SCAPER: variants seen among roughly 807,000 people sequenced by gnomAD.
The protein encoded by SCAPER is S phase cyclin A-associated protein in the endoplasmic reticulum.
In SCAPER, 98 loss-of-function variants were observed where a neutral mutation model predicts 182.2. The ratio of observed to expected loss-of-function variants is 0.54; its 90% CI spans 0.46 to 0.64. The LOEUF is 0.64. Ranked by LOEUF, SCAPER falls within the 30% of genes least tolerant of loss-of-function variation. The pLI, the probability that SCAPER is intolerant of heterozygous loss-of-function variation, is 0.00. For synonymous variants in SCAPER, 605 were observed against 564.6 expected (o/e 1.07, Z -1.01); for missense variants, 1,432 against 1,690.0 (o/e 0.85, Z 2.68).
chr15:76,748,191 T>C (rs565990755), intron 15 of SCAPER, among the ~76,000 whole-genome samples: 1 of 152,034 alleles, frequency 6.6e-6, no homozygotes, highest in Non-Finnish European at 1.5e-5. Flanking sequence ...GGTTTCTCCA[T>C]GTTGGTGAGG....
At chr15:76,446,068 A>C (rs947026022) in intron 25 of SCAPER, among the ~76,000 whole-genome samples, 1 of 152,198 alleles carries the variant, frequency 6.6e-6, no homozygotes, top group Non-Finnish European at 1.5e-5. Flanking sequence ...GTGAGGTTCC[A>C]TGATAACAGC....
intron 8 of SCAPER, among the ~76,000 whole-genome samples, chr15:76,777,168 C>T (rs1281382577): frequency 6.6e-6 from 1 of 152,132 alleles, no homozygotes; most frequent in Non-Finnish European, 1.5e-5. Flanking sequence ...ATTCAAATTA[C>T]AGCAGATTCC....
chr15:76,738,345 C>T (rs1364979362), intron 15 of SCAPER, among the ~76,000 whole-genome samples: 1 of 152,092 alleles, frequency 6.6e-6, no homozygotes, highest in East Asian at 1.9e-4. Flanking sequence ...TGCACAGGCT[C>T]TAGCCCAGTT....
chr15:76,591,882 AAACCCCAT>A (rs1162363005), intron 22 of SCAPER, among the ~76,000 whole-genome samples: 2 of 152,172 alleles, frequency 1.3e-5, no homozygotes, highest in Non-Finnish European at 1.5e-5. Flanking sequence ...CAACATGGCA[AAACCCCAT>A]ATCTACAAAA....
intron 24 of SCAPER, among the ~76,000 whole-genome samples, chr15:76,500,253 C>T (rs1219070258): frequency 2.0e-5 from 3 of 152,194 alleles, no homozygotes; most frequent in South Asian, 2.1e-4. Flanking sequence ...ACTGTGTCCA[C>T]AGGGACGATG....
chr15:76,440,906 G>GTTTTT (rs1567143984), intron 25 of SCAPER, among the ~76,000 whole-genome samples: 6 of 112,120 alleles, frequency 5.4e-5, no homozygotes, highest in Non-Finnish European at 1.1e-4. Flanking sequence ...TTCCCCTTCT[G>GTTTTT]GTTTTTTTTT....
intron 5 of SCAPER, among the ~76,000 whole-genome samples, chr15:76,814,386 T>C (rs1013008464): frequency 6.6e-6 from 1 of 152,156 alleles, no homozygotes; most frequent in African/African-American, 2.4e-5. Context: ...TAATCTAAAC[T>C]GTAATGACAG....
chr15:76,462,884 T>C (rs1195908917), intron 25 of SCAPER, among the ~76,000 whole-genome samples: 1 of 152,140 alleles, frequency 6.6e-6, no homozygotes, highest in Non-Finnish European at 1.5e-5. Flanking sequence ...GAAAGTTAAC[T>C]TAGGATTTAG....
chr15:76,585,274 T>C (rs529246346), intron 22 of SCAPER, among the ~76,000 whole-genome samples: 10 of 152,260 alleles, frequency 6.6e-5, no homozygotes, highest in Non-Finnish European at 1.0e-4. Flanking sequence ...CGACTATTAT[T>C]ACTGTTCACT....
intron 17 of SCAPER, among the ~76,000 whole-genome samples, chr15:76,727,946 G>C (rs1189743852): frequency 6.6e-6 from 1 of 151,980 alleles, no homozygotes; most frequent in Non-Finnish European, 1.5e-5. Flanking sequence ...ATGTGAAAAA[G>C]TTGTTCAGCC....
chr15:76,541,621 GCTT>G (rs1354401135), intron 23 of SCAPER, among the ~76,000 whole-genome samples: 2 of 152,104 alleles, frequency 1.3e-5, no homozygotes, highest in African/African-American at 2.4e-5. Flanking sequence ...GACTCTATAT[GCTT>G]CTTGTCATAA....
intron 17 of SCAPER, among the ~76,000 whole-genome samples, chr15:76,721,295 T>C (rs1428503392): frequency 6.6e-6 from 1 of 152,194 alleles, no homozygotes; most frequent in Non-Finnish European, 1.5e-5. Flanking sequence ...AACTCTGTTT[T>C]GGTACCAGTA....
intron 23 of SCAPER, among the ~76,000 whole-genome samples, chr15:76,566,359 A>G (rs192383814): frequency 1.3e-5 from 2 of 152,286 alleles, no homozygotes; most frequent in Admixed American, 1.3e-4. Context: ...CAATGCTGCC[A>G]GCTATGTGGT....
chr15:76,447,738 C>G (rs1398027927), intron 25 of SCAPER, among the ~76,000 whole-genome samples: 2 of 152,166 alleles, frequency 1.3e-5, no homozygotes, highest in Non-Finnish European at 2.9e-5. Context: ...ACAACAATTG[C>G]TTTCATTCAT....
At chr15:76,535,500 C>G (rs191497381) in intron 23 of SCAPER, among the ~76,000 whole-genome samples, 55 of 113,260 alleles carry the variant, frequency 4.9e-4, no homozygotes, top group Non-Finnish European at 7.1e-4. Flanking sequence ...CCAGCCTGGG[C>G]GACAGAGCAA....
At position 76,902,487 on chromosome 15, in the gene SCAPER, A is replaced by AT. The variant is rs202089703; in HGVS notation, c.-60+2811dup. Among the ~76,000 whole-genome samples the AT allele has an allele frequency of 7.9e-5, 12 of 152,038 alleles. No individual in the cohort carries two copies. In the East Asian group the frequency reaches 9.6e-4, roughly 12 times the overall value. Reference sequence around the variant, plus strand: ...ATGTACCCTCTACTATATAAGTTGAATTTTTTTTTAAAAAAAGGTTACCAT... The same window carrying AT: ...ATGTACCCTCTACTATATAAGTTGAATTTTTTTTTTAAAAAAAGGTTACCAT... On this transcript the variant is annotated intron_variant, in intron 1 of 31. Coordinates refer to ENST00000563290, the MANE Select transcript of SCAPER (RefSeq NM_020843.4).
chr15:76,531,957 G>A (rs749092461), intron 23 of SCAPER, among the ~76,000 whole-genome samples: 6 of 152,210 alleles, frequency 3.9e-5, no homozygotes, highest in Non-Finnish European at 8.8e-5. Context: ...CTCTGATAGA[G>A]ATGATTAGAA....
intron 23 of SCAPER, among the ~76,000 whole-genome samples, chr15:76,518,072 T>C (rs1234589917): frequency 3.3e-5 from 5 of 151,902 alleles, no homozygotes; most frequent in Admixed American, 2.6e-4. Context: ...TGCCAGGAAA[T>C]GGGAAGAAAT....
intron 29 of SCAPER, among the ~76,000 whole-genome samples, chr15:76,357,745 CA>C (rs2141691982): frequency 6.6e-6 from 1 of 152,280 alleles, no homozygotes; most frequent in South Asian, 2.1e-4. Context: ...TATATAAATA[CA>C]CCATAAAATA....
Sources: gnomAD v4.1 joint callset for allele counts (sites outside exome capture counted in the v4.1 genomes callset) on GRCh38, gnomAD v4.1.1 for gene constraint, MANE v1.5 for transcripts, NCBI Gene and HGNC (gene_info 2026-07-23, HGNC 2026-07-21) for gene names.